ABCA6: variants seen among roughly 807,000 people sequenced by gnomAD.
ABCA6 encodes the protein ATP binding cassette subfamily A member 6.
ABCA6 carries 164 observed loss-of-function variants against 191.2 expected under a neutral mutation model. The ratio of observed to expected loss-of-function variants is 0.86; its 90% CI spans 0.76 to 0.98. The LOEUF is 0.98. Among genes scored for constraint, ABCA6 ranks in the 50% least tolerant of loss-of-function variants. The pLI is 0.00. For missense variants in ABCA6, 1,958 were observed against 1,894.1 expected, an observed-to-expected ratio of 1.03 and a Z score of -0.63; for synonymous variants, 636 against 647.7, an observed-to-expected ratio of 0.98 and a Z score of 0.27.
Position 69,113,741 on chromosome 17 carries a change from T to A in ABCA6, c.1783-4A>T. The A allele has an allele frequency of 6.2e-7, 1 of 1,607,080 alleles. No individual in the cohort carries two copies. The highest frequency in any genetic ancestry group is 1.3e-5 in the African/African-American group (1 of 74,694). Reference sequence around the variant, plus strand: ...ATTCCAATAATATTCGTTGTACCTATATGAGAAAATACGCAACTTTTAAAA... The same window carrying A: ...ATTCCAATAATATTCGTTGTACCTAAATGAGAAAATACGCAACTTTTAAAA... On this transcript the variant is annotated splice_region_variant and splice_polypyrimidine_tract_variant and intron_variant, in intron 13 of 38. Coordinates refer to ENST00000284425, the MANE Select transcript of ABCA6 (RefSeq NM_080284.3).
intron 37 of ABCA6, among the ~76,000 whole-genome samples, chr17:69,079,504 G>A (rs1012763586): frequency 2.0e-5 from 3 of 151,952 alleles, no homozygotes; most frequent in African/African-American, 7.3e-5. Flanking sequence ...TTGGTATTGC[G>A]TGCGTATGTC....
intron 9 of ABCA6, among the ~76,000 whole-genome samples, 172 bp from the exon 10 acceptor site, chr17:69,123,579 G>T (rs1361531279): frequency 6.6e-6 from 1 of 151,920 alleles, no homozygotes; most frequent in East Asian, 1.9e-4. Flanking sequence ...AGTAAACAAT[G>T]GGAATTCAAA....
At chr17:69,116,247 C>T (rs1244619294) in intron 11 of ABCA6, among the ~76,000 whole-genome samples, 1 of 152,080 alleles carries the variant, frequency 6.6e-6, no homozygotes, top group East Asian at 1.9e-4. Flanking sequence ...ATAGAAGCCT[C>T]AGTTTCGTCA....
intron 32 of ABCA6, 37 bp from the exon 33 acceptor site, chr17:69,084,544 A>G: frequency 1.2e-6 from 2 of 1,605,088 alleles, no homozygotes; most frequent in Non-Finnish European, 1.7e-6. Flanking sequence ...TGGTCAAGAC[A>G]AGGTTTTTGG....
At chr17:69,138,584 G>A (rs1051718028) in intron 2 of ABCA6, among the ~76,000 whole-genome samples, 28 of 151,424 alleles carry the variant, frequency 1.8e-4, no homozygotes, top group Non-Finnish European at 3.2e-4. Context: ...TCACAGAATT[G>A]GAAAAAACTA....
intron 34 of ABCA6, among the ~76,000 whole-genome samples, chr17:69,083,880 T>G (rs556933091): frequency 6.7e-6 from 1 of 150,110 alleles, no homozygotes; most frequent in South Asian, 2.2e-4. Context: ...ATTTGACAGG[T>G]CACATTAAAA....
intron 13 of ABCA6, among the ~76,000 whole-genome samples, chr17:69,114,205 C>T (rs2073489890): frequency 6.6e-6 from 1 of 152,050 alleles, no homozygotes; most frequent in African/African-American, 2.4e-5. Flanking sequence ...AAATGTGGCA[C>T]ATATATACCA....
chr17:69,128,223 T>A (rs868378226), intron 8 of ABCA6, among the ~76,000 whole-genome samples: 4 of 152,136 alleles, frequency 2.6e-5, no homozygotes, highest in Admixed American at 1.3e-4. Flanking sequence ...TAATTATCTG[T>A]TAAACTATAC....
chr17:69,087,193 T>C (rs760886105), intron 29 of ABCA6, among the ~76,000 whole-genome samples, 160 bp downstream of exon 29: 1 of 152,130 alleles, frequency 6.6e-6, no homozygotes. Flanking sequence ...ATAAGCGGAG[T>C]GCCTTGATTA....
intron 23 of ABCA6, among the ~76,000 whole-genome samples, chr17:69,097,574 A>T (rs1214406694): frequency 2.0e-5 from 3 of 152,148 alleles, no homozygotes; most frequent in African/African-American, 7.2e-5. Context: ...CAGAGTGGAA[A>T]AGGAATTCAA....
At chr17:69,109,140 C>A (rs1337916453) in intron 17 of ABCA6, 2 of 151,874 alleles carry the variant, frequency 1.3e-5, no homozygotes, top group East Asian at 3.9e-4. Context: ...CTAATGAAAC[C>A]GAATTATGCA....
Position 69,113,379 on chromosome 17 carries a change from T to C in ABCA6, c.1903-19A>G. ...GCAAAATCTACAGAGAATGAAGATA[T>C]ATAAAATATGTCTCTCTTTCACATT... On this transcript the variant is annotated intron_variant, in intron 14 of 38. Coordinates refer to ENST00000284425, the MANE Select transcript of ABCA6 (RefSeq NM_080284.3). The C allele has an allele frequency of 5.7e-6, 9 of 1,582,260 alleles. No individual in the cohort carries two copies. The highest frequency in any genetic ancestry group is 1.7e-4 in the Middle Eastern group (1 of 5,940).
At chr17:69,079,439 A>G (rs1035521680) in intron 37 of ABCA6, among the ~76,000 whole-genome samples, 174 bp from the exon 38 acceptor site, 2 of 152,230 alleles carry the variant, frequency 1.3e-5, no homozygotes, top group African/African-American at 2.4e-5. Context: ...ATATAAATAT[A>G]TACTATGTTA....
chr17:69,121,594 G>A (rs2073644748), intron 10 of ABCA6, among the ~76,000 whole-genome samples: 1 of 151,982 alleles, frequency 6.6e-6, no homozygotes, highest in Non-Finnish European at 1.5e-5. Flanking sequence ...GCACAGTGGG[G>A]ATGTGGGAGA....
chr17:69,087,646 C>G (rs1415885433), intron 28 of ABCA6, 173 bp from the exon 29 acceptor site: 2 of 804,332 alleles, frequency 2.5e-6, no homozygotes, highest in African/African-American at 3.5e-5. Context: ...TCCCACTAGC[C>G]AGAATCCTTT....
At position 69,136,130 on chromosome 17, in the gene ABCA6, T is replaced by A. The variant is rs577290030; in HGVS notation, c.422A>T (p.Gln141Leu). The A allele has an allele frequency of 6.2e-7, 1 of 1,609,684 alleles. No individual in the cohort carries two copies. Among genetic ancestry groups the A allele is most frequent in the South Asian group, 1.1e-5 (1 of 90,346 alleles). ...ETFSYKLIFF[Q>L]GYNSPLWKED... is the part of the protein sequence containing the mutation. ...TTTCCAAAGTGGACTGTTATATCCCTGGAAAAATATTAACTTATAAGAGAA... is the reference window on the plus strand; with the variant it reads ...TTTCCAAAGTGGACTGTTATATCCCAGGAAAAATATTAACTTATAAGAGAA... The change falls in exon 4 of 39, where the codon CAG (glutamine) becomes CTG (leucine). Residue 141 changes from glutamine (Q) to leucine (L), a missense_variant. Coordinates refer to ENST00000284425, the MANE Select transcript of ABCA6 (RefSeq NM_080284.3).
Position 69,137,289 on chromosome 17 carries a change from C to T in ABCA6, c.301+7G>A, listed in dbSNP as rs373217173. The T allele has an allele frequency of 8.1e-6, 13 of 1,610,608 alleles. No individual in the cohort carries two copies. The highest frequency in any genetic ancestry group is 1.7e-5 in the Admixed American group (1 of 59,894). ...AGTAACTCTTTTTTTGCCATGAGTA[C>T]ACCTACCTTTCAAAAGAGGAGCAAG... On this transcript the variant is annotated splice_region_variant and intron_variant, in intron 3 of 38. Transcript: ENST00000284425.
chr17:69,134,730 T>C lies in ABCA6; in HGVS notation c.473A>G (p.Asp158Gly), dbSNP rs2073921380. 1 of 1,612,506 alleles carries C rather than the reference T, an allele frequency of 6.2e-7. No homozygotes were observed. Among genetic ancestry groups the C allele is most frequent in the Non-Finnish European group, 8.5e-7 (1 of 1,179,150 alleles). The change falls in exon 5 of 39, where the codon GAT becomes GGT. Residue 158 changes from aspartate (D) to glycine (G), a missense_variant. Coordinates refer to ENST00000284425, the MANE Select transcript of ABCA6 (RefSeq NM_080284.3). ...TGTACATGAAAACTCACCATATCCA[T>C]CCCAGCAATGAGCTGTAAGCACAAA... The part of the protein sequence containing the change: ...WKEDFSAHCW[D>G]GYGEFSCTLT...
intron 6 of ABCA6, among the ~76,000 whole-genome samples, chr17:69,132,628 C>T (rs1051881845): frequency 6.6e-5 from 10 of 152,136 alleles, no homozygotes; most frequent in Admixed American, 2.6e-4. Flanking sequence ...TACAGGCACG[C>T]GCCACCACAC....
Sources: allele counts gnomAD v4.1 joint callset (sites outside exome capture counted in the v4.1 genomes callset), GRCh38; gene constraint gnomAD v4.1.1; transcripts MANE v1.5; gene names NCBI Gene and HGNC (gene_info 2026-07-23, HGNC 2026-07-21).